The following MRTFB variants were observed in gnomAD, a reference collection of about 807,000 sequenced individuals.
MRTFB encodes myocardin-related transcription factor B.
A neutral mutation model predicts 104.2 loss-of-function variants in MRTFB; 29 were observed. The ratio of observed to expected loss-of-function variants is 0.28; its 90% CI spans 0.21 to 0.38. The LOEUF is 0.38. Ranked by LOEUF, MRTFB falls within the 10% of genes least tolerant of loss-of-function variation. The pLI, the probability that MRTFB is intolerant of heterozygous loss-of-function variation, is 1.00. For missense variants in MRTFB, 1,270 were observed against 1,341.6 expected (o/e 0.95, Z 0.83); for synonymous variants, 535 against 519.5 (o/e 1.03, Z -0.41).
At chr16:14,093,138 A>G (rs534602290) in intron 2 of MRTFB, among the ~76,000 whole-genome samples, 6 of 152,252 alleles carry the variant, frequency 3.9e-5, no homozygotes, top group Admixed American at 6.5e-5. Context: ...TAGTCAGGAA[A>G]ACCAAACCAT....
At chr16:14,128,129 G>C (rs943817625) in intron 2 of MRTFB, among the ~76,000 whole-genome samples, 1 of 151,766 alleles carries the variant, frequency 6.6e-6, no homozygotes, top group Admixed American at 6.6e-5. Flanking sequence ...CTGAAGATAA[G>C]GCTTAGGGAT....
upstream of MRTFB, among the ~76,000 whole-genome samples, chr16:14,066,749 T>G (rs1034030813): frequency 8.5e-5 from 13 of 152,092 alleles, no homozygotes; most frequent in African/African-American, 2.9e-4. Context: ...CACAGCATCC[T>G]ACAACCCCCA....
chr16:14,013,817 C>T, the MRTFB span, among the ~76,000 whole-genome samples: 1 of 152,136 alleles, frequency 6.6e-6, no homozygotes, highest in African/African-American at 2.4e-5. Flanking sequence ...TTTCCCACTG[C>T]TTAAGAATCC....
chr16:14,013,811 C>T, the MRTFB span, among the ~76,000 whole-genome samples: 155 of 152,234 alleles, frequency 1.0e-3, no homozygotes, highest in Non-Finnish European at 1.9e-3. Context: ...AACCACTTTC[C>T]CACTGCTTAA....
chr16:14,117,078 A>G (rs1428751867), intron 2 of MRTFB, among the ~76,000 whole-genome samples: 1 of 152,206 alleles, frequency 6.6e-6, no homozygotes, highest in Non-Finnish European at 1.5e-5. Context: ...GGTACCATAC[A>G]TAAGGGGATC....
intron 3 of MRTFB, among the ~76,000 whole-genome samples, chr16:14,193,456 T>A (rs896007756): frequency 6.6e-6 from 1 of 152,090 alleles, no homozygotes; most frequent in African/African-American, 2.4e-5. Context: ...GCTCACCCTT[T>A]CAGTTTCACT....
chr16:14,163,571 C>T (rs1006267170), intron 3 of MRTFB, among the ~76,000 whole-genome samples: 2 of 152,158 alleles, frequency 1.3e-5, no homozygotes, highest in African/African-American at 4.8e-5. Context: ...GTGGCTCACA[C>T]CTGTAATCCC....
intron 3 of MRTFB, among the ~76,000 whole-genome samples, chr16:14,160,984 G>A (rs1016256881): frequency 6.6e-6 from 1 of 151,346 alleles, no homozygotes; most frequent in African/African-American, 2.4e-5. Context: ...CTTTTAGTGA[G>A]GAATAATATT....
chr16:14,046,182 C>T, the MRTFB span, among the ~76,000 whole-genome samples: 3 of 152,064 alleles, frequency 2.0e-5, no homozygotes, highest in Non-Finnish European at 2.9e-5. Flanking sequence ...TGAATGAGGC[C>T]GGGTGTGGTG....
chr16:14,229,239 A>T (rs2042150904), intron 8 of MRTFB, among the ~76,000 whole-genome samples: 2 of 152,210 alleles, frequency 1.3e-5, no homozygotes, highest in South Asian at 2.1e-4. Flanking sequence ...GCTTAAACTT[A>T]TAGGAACAAA....
intron 3 of MRTFB, among the ~76,000 whole-genome samples, chr16:14,158,991 A>C (rs1316915774): frequency 2.0e-5 from 3 of 151,738 alleles, no homozygotes; most frequent in East Asian, 3.9e-4. Context: ...AAAAAAAAAA[A>C]AAACTTAGGT....
intron 2 of MRTFB, among the ~76,000 whole-genome samples, chr16:14,135,916 T>C (rs934255212): frequency 2.0e-5 from 3 of 152,204 alleles, no homozygotes; most frequent in African/African-American, 4.8e-5. Context: ...GGTGAACTCC[T>C]ACTCATCCTT....
chr16:14,141,907 C>G (rs1487212017), intron 3 of MRTFB: 1 of 150,102 alleles, frequency 6.7e-6, no homozygotes. Context: ...GGCGTGATCT[C>G]TGGTCACTGC....
intron 10 of MRTFB, among the ~76,000 whole-genome samples, chr16:14,244,462 A>C (rs1485203700): frequency 6.6e-6 from 1 of 152,140 alleles, no homozygotes; most frequent in African/African-American, 2.4e-5. Context: ...ACTACGAAAG[A>C]AAAGTTTCAA....
the MRTFB span, among the ~76,000 whole-genome samples, chr16:14,035,259 A>G: frequency 6.6e-6 from 1 of 152,222 alleles, no homozygotes; most frequent in Non-Finnish European, 1.5e-5. Context: ...ACAGGAGTGC[A>G]GAGGAGTTGT....
intron 8 of MRTFB, among the ~76,000 whole-genome samples, chr16:14,227,073 A>G: frequency 6.6e-6 from 1 of 152,184 alleles, no homozygotes; most frequent in East Asian, 1.9e-4. Context: ...AAATATTTGC[A>G]AATCATATAT....
At chr16:14,003,749 T>C in the MRTFB span, among the ~76,000 whole-genome samples, 2 of 149,948 alleles carry the variant, frequency 1.3e-5, no homozygotes, top group Middle Eastern at 3.4e-3. Flanking sequence ...GCCTGGAGAC[T>C]AGAGGGGGGA....
intron 8 of MRTFB, among the ~76,000 whole-genome samples, chr16:14,233,590 C>A (rs555266627): frequency 6.6e-6 from 1 of 151,836 alleles, no homozygotes; most frequent in East Asian, 1.9e-4. Context: ...GAGTTCAAGA[C>A]CCAGCCTGGC....
chr16:14,078,922 C>T (rs2034232382), intron 1 of MRTFB, among the ~76,000 whole-genome samples: 1 of 152,034 alleles, frequency 6.6e-6, no homozygotes, highest in Non-Finnish European at 1.5e-5. Flanking sequence ...ACTGTTGTTA[C>T]ACATATGGGA....
Sources: allele counts gnomAD v4.1 joint callset (sites outside exome capture counted in the v4.1 genomes callset), GRCh38; gene constraint gnomAD v4.1.1; transcripts MANE v1.5; gene names NCBI Gene and HGNC (gene_info 2026-07-23, HGNC 2026-07-21).